MOXD1: variants seen among roughly 807,000 people sequenced by gnomAD.
MOXD1 encodes monooxygenase DBH like 1.
A neutral mutation model predicts 66.6 loss-of-function variants in MOXD1; 62 were observed. That is an observed-to-expected ratio of 0.93 (90% CI 0.76 to 1.15). The LOEUF is 1.15. MOXD1 is among the 50% of genes most tolerant of loss of function. MOXD1 has a pLI of 0.00. For missense variants in MOXD1, 847 were observed against 754.6 expected (o/e 1.12, Z -1.44); for synonymous variants, 303 against 281.9 (o/e 1.07, Z -0.75).
intron 1 of MOXD1, among the ~76,000 whole-genome samples, chr6:132,381,411 C>T (rs1479111186): frequency 6.6e-6 from 1 of 151,710 alleles, no homozygotes; most frequent in African/African-American, 2.4e-5. Context: ...GGCATATTGG[C>T]CAATCTTAAA....
chr6:132,398,290 A>T (rs1286094742), intron 1 of MOXD1, among the ~76,000 whole-genome samples: 1 of 152,220 alleles, frequency 6.6e-6, no homozygotes, highest in Non-Finnish European at 1.5e-5. Context: ...AAAAATTTAC[A>T]CTTACATAGT....
Position 132,315,790 on chromosome 6 carries a change from A to G in MOXD1, c.1366-13T>C, listed in dbSNP as rs924641072. Reference sequence around the variant, plus strand: ...TGCTTAGTCCTCCCTGAAAACAGATAGTTTATTTAGCAAAGTATGTGTTCT... The same window carrying G: ...TGCTTAGTCCTCCCTGAAAACAGATGGTTTATTTAGCAAAGTATGTGTTCT... On this transcript the variant is annotated splice_polypyrimidine_tract_variant and intron_variant, in intron 9 of 11. Transcript: ENST00000367963. 1.2e-5 allele frequency: 20 copies of G among 1,612,568 alleles called. No homozygotes were observed. Among genetic ancestry groups the G allele is most frequent in the Non-Finnish European group, 1.5e-5 (18 of 1,179,218 alleles).
At chr6:132,343,883 C>T (rs1395525186) in intron 4 of MOXD1, among the ~76,000 whole-genome samples, 2 of 152,000 alleles carry the variant, frequency 1.3e-5, no homozygotes, top group Admixed American at 1.3e-4. Flanking sequence ...TCAAAAGGTA[C>T]TGTCAAATAT....
intron 4 of MOXD1, among the ~76,000 whole-genome samples, chr6:132,338,543 A>T (rs1775485838): frequency 6.6e-6 from 1 of 151,798 alleles, no homozygotes; most frequent in Admixed American, 6.6e-5. Context: ...ACAGAATCAC[A>T]CTCTTGCTCA....
At chr6:132,347,727 G>C (rs1788770472) in intron 4 of MOXD1, among the ~76,000 whole-genome samples, 1 of 152,066 alleles carries the variant, frequency 6.6e-6, no homozygotes, top group South Asian at 2.1e-4. Flanking sequence ...CCTCTAGTTG[G>C]AAAAGGGATA....
chr6:132,383,828 G>A (rs1193058899), intron 1 of MOXD1, among the ~76,000 whole-genome samples: 1 of 152,148 alleles, frequency 6.6e-6, no homozygotes, highest in African/African-American at 2.4e-5. Context: ...CCAGCACTTT[G>A]GGAGGCCAAG....
intron 4 of MOXD1, among the ~76,000 whole-genome samples, chr6:132,363,913 A>G (rs1032968998): frequency 6.7e-6 from 1 of 150,040 alleles, no homozygotes; most frequent in Non-Finnish European, 1.5e-5. Flanking sequence ...GCTGTTAATT[A>G]AATTATTTAC....
chr6:132,331,472 G>C (rs1348556395), intron 4 of MOXD1, among the ~76,000 whole-genome samples: 1 of 151,980 alleles, frequency 6.6e-6, no homozygotes, highest in Non-Finnish European at 1.5e-5. Flanking sequence ...TAAACAGCTT[G>C]AAAGAAACTT....
At chr6:132,322,511 A>G (rs1489578671) in intron 8 of MOXD1, among the ~76,000 whole-genome samples, 168 bp downstream of exon 8, 2 of 152,192 alleles carry the variant, frequency 1.3e-5, no homozygotes, top group Admixed American at 1.3e-4. Flanking sequence ...ATTTTGGAAA[A>G]CAGATCAAAC....
chr6:132,400,338 T>C (rs754337133), intron 1 of MOXD1, among the ~76,000 whole-genome samples: 3 of 152,214 alleles, frequency 2.0e-5, no homozygotes, highest in Non-Finnish European at 4.4e-5. Context: ...ATCCAAACGT[T>C]GGTCACGATC....
chr6:132,299,324 C>T (rs1293049794), intron 10 of MOXD1, among the ~76,000 whole-genome samples: 1 of 152,076 alleles, frequency 6.6e-6, no homozygotes, highest in African/African-American at 2.4e-5. Context: ...CTGTTGGGTG[C>T]CTGGCTCACT....
chr6:132,318,082 T>A (rs890438025), intron 9 of MOXD1, among the ~76,000 whole-genome samples: 1 of 152,134 alleles, frequency 6.6e-6, no homozygotes, highest in Non-Finnish European at 1.5e-5. Context: ...TAATACCACA[T>A]TTATTTGTTC....
chr6:132,331,565 GAAT>G (rs1193107747), intron 4 of MOXD1, among the ~76,000 whole-genome samples: 3 of 152,040 alleles, frequency 2.0e-5, no homozygotes, highest in African/African-American at 7.2e-5. Context: ...TTTATCCCTG[GAAT>G]AATAATAACA....
chr6:132,308,070 A>T (rs1406400420), intron 10 of MOXD1, among the ~76,000 whole-genome samples: 1 of 148,288 alleles, frequency 6.7e-6, no homozygotes, highest in Non-Finnish European at 1.5e-5. Flanking sequence ...AAAATCAATG[A>T]ATCCAGGAAG....
chr6:132,357,391 A>T (rs1775928712), intron 4 of MOXD1, among the ~76,000 whole-genome samples: 2 of 152,128 alleles, frequency 1.3e-5, no homozygotes, highest in Admixed American at 1.3e-4. Context: ...TCAACTGTGA[A>T]TCTTACAAAC....
intron 9 of MOXD1, among the ~76,000 whole-genome samples, chr6:132,316,631 G>T (rs1288982570): frequency 6.6e-6 from 1 of 152,054 alleles, no homozygotes; most frequent in Non-Finnish European, 1.5e-5. Flanking sequence ...AAGCTCAACA[G>T]CAAGTTTCAA....
intron 8 of MOXD1, 39 bp from the exon 9 acceptor site, chr6:132,320,727 A>C (rs764266103): frequency 2.0e-6 from 3 of 1,507,968 alleles, no homozygotes; most frequent in Non-Finnish European, 2.7e-6. Flanking sequence ...TTGAAGTTTT[A>C]TGCTGGCTTA....
chr6:132,314,235 T>C (rs1239750332), intron 10 of MOXD1, among the ~76,000 whole-genome samples: 1 of 152,194 alleles, frequency 6.6e-6, no homozygotes, highest in Non-Finnish European at 1.5e-5. Context: ...TGAGATGCCA[T>C]TGATCAACAA....
chr6:132,301,545 G>GT (rs1774537522), intron 10 of MOXD1, among the ~76,000 whole-genome samples: 1 of 151,894 alleles, frequency 6.6e-6, no homozygotes, highest in African/African-American at 2.4e-5. Flanking sequence ...CTGGACTCCT[G>GT]TTTTAAAAGT....
Sources: allele counts gnomAD v4.1 joint callset (sites outside exome capture counted in the v4.1 genomes callset), GRCh38; gene constraint gnomAD v4.1.1; transcripts MANE v1.5; gene names NCBI Gene and HGNC (gene_info 2026-07-23, HGNC 2026-07-21).